DSC2: variants seen among roughly 807,000 people sequenced by gnomAD.
DSC2 encodes desmocollin-2.
In DSC2, 51 loss-of-function variants were observed where a neutral mutation model predicts 87.6. The ratio of observed to expected loss-of-function variants is 0.58; its 90% CI spans 0.46 to 0.74. The LOEUF is 0.74. Ranked by LOEUF, DSC2 falls within the 30% of genes least tolerant of loss-of-function variation. The pLI is 0.00. For synonymous variants in DSC2, 383 were observed against 393.2 expected, an observed-to-expected ratio of 0.97 and a Z score of 0.31; for missense variants, 1,066 against 1,089.5, an observed-to-expected ratio of 0.98 and a Z score of 0.30.
Position 31,102,100 on chromosome 18 carries a change from G to A in DSC2, c.-129C>T, listed in dbSNP as rs1346876717. 1.1e-5 allele frequency: 8 copies of A among 755,376 alleles called. No homozygotes were observed. In the East Asian group the frequency reaches 2.7e-4, roughly 25 times the overall value. The allele number at this position is 755,376 out of a possible 1,614,324, so 46.8% of individuals were successfully genotyped here. A position where few individuals can be genotyped will look rare whatever the true frequency, so the allele number is the denominator to read the frequency against. ...GAGGAGCGCGAGGCGGAGGAGGTGG[G>A]GCGCGCGGAGAGGTGCTTTTCTTAG... On this transcript the variant is annotated 5_prime_UTR_variant, in exon 1 of 16. Coordinates refer to ENST00000280904, the MANE Select transcript of DSC2 (RefSeq NM_024422.6).
rs1358980609 is a variant in DSC2, at chr18:31,082,686, T to C, written c.1077+240A>G. On this transcript the variant is annotated intron_variant, in intron 8 of 15. Transcript: ENST00000280904. ...GATTCTCCTGCCTCAGCTTCCCGAGTAGATGGGATTACAGGTGCCTGTCAC... is the reference window on the plus strand; with the variant it reads ...GATTCTCCTGCCTCAGCTTCCCGAGCAGATGGGATTACAGGTGCCTGTCAC... 2.0e-5 allele frequency among the ~76,000 whole-genome samples: 3 copies of C among 152,048 alleles called. No individual in the cohort carries two copies. In the East Asian group the frequency reaches 5.8e-4, roughly 29 times the overall value.
chr18:31,087,380 C>T (rs1987433774), intron 6 of DSC2, among the ~76,000 whole-genome samples: 1 of 152,164 alleles, frequency 6.6e-6, no homozygotes, highest in Admixed American at 6.5e-5. Flanking sequence ...CATTTATTAA[C>T]TCCTATTTGT....
chr18:31,088,987 A>G (rs1987495300), intron 5 of DSC2, among the ~76,000 whole-genome samples: 1 of 151,974 alleles, frequency 6.6e-6, no homozygotes, highest in Non-Finnish European at 1.5e-5. Flanking sequence ...AACATGGTGA[A>G]ACCCCATCTC....
intron 11 of DSC2, among the ~76,000 whole-genome samples, chr18:31,079,375 T>C (rs906414163): frequency 1.3e-5 from 2 of 152,114 alleles, no homozygotes; most frequent in African/African-American, 2.4e-5. Flanking sequence ...TGCCTCAGCC[T>C]CCCGAGTAGC....
intron 11 of DSC2, among the ~76,000 whole-genome samples, chr18:31,076,512 C>T (rs1007149236): frequency 1.3e-5 from 2 of 152,178 alleles, no homozygotes; most frequent in Non-Finnish European, 2.9e-5. Context: ...CTATCCAAGA[C>T]GTCTCTGAAA....
chr18:31,067,950 CT>C lies in DSC2; in HGVS notation c.*64del. ...ATAGCATCTTCTGCTTTAAAAAATT[CT>C]TGGTTTGTAATTTTTTTTAAAAGTC... On this transcript the variant is annotated 3_prime_UTR_variant, in exon 16 of 16. Coordinates refer to ENST00000280904, the MANE Select transcript of DSC2 (RefSeq NM_024422.6). The C allele has an allele frequency of 6.7e-7, 1 of 1,493,852 alleles. No homozygotes were observed. The highest frequency in any genetic ancestry group is 1.4e-5 in the African/African-American group (1 of 72,336). The allele number at this position is 1,493,852 out of a possible 1,614,324, so 92.5% of individuals were successfully genotyped here.
At chr18:31,075,563 A>T (rs998789964) in intron 11 of DSC2, among the ~76,000 whole-genome samples, 1 of 152,218 alleles carries the variant, frequency 6.6e-6, no homozygotes, top group African/African-American at 2.4e-5. Context: ...AGAAACTTAC[A>T]GGATAGACGG....
chr18:31,072,969 A>G lies in DSC2; in HGVS notation c.1889-1128T>C, dbSNP rs557651836. Among the ~76,000 whole-genome samples the G allele has an allele frequency of 5.3e-5, 8 of 152,314 alleles. No individual in the cohort carries two copies. In the South Asian group the frequency reaches 1.4e-3, roughly 28 times the overall value. ...ATGCATTATCTCATTTACTCCCCCA[A>G]AAATCCCATTTTAGTAAATTGATGC... On this transcript the variant is annotated intron_variant, in intron 12 of 15. Transcript: ENST00000280904.
At chr18:31,082,603 T>C (rs1027904770) in intron 8 of DSC2, among the ~76,000 whole-genome samples, 180 bp from the exon 9 acceptor site, 1 of 152,128 alleles carries the variant, frequency 6.6e-6, no homozygotes, top group Non-Finnish European at 1.5e-5. Context: ...GAGGGGTGGA[T>C]GGGGATGTGC....
intron 14 of DSC2, among the ~76,000 whole-genome samples, chr18:31,069,532 T>C (rs1326247100): frequency 1.3e-5 from 2 of 152,006 alleles, no homozygotes; most frequent in Non-Finnish European, 2.9e-5. Context: ...CTCGCCAACA[T>C]GGTGGAACTC....
chr18:31,075,514 G>A (rs1195430828), intron 11 of DSC2, among the ~76,000 whole-genome samples: 2 of 152,192 alleles, frequency 1.3e-5, no homozygotes, highest in African/African-American at 2.4e-5. Context: ...AATCACTGTG[G>A]GTTGTAGCCT....
chr18:31,079,645 T>C (rs886474095), intron 11 of DSC2, among the ~76,000 whole-genome samples: 2 of 152,072 alleles, frequency 1.3e-5, no homozygotes, highest in African/African-American at 4.8e-5. Flanking sequence ...AGTAAATTAT[T>C]TTATAATTAC....
In DSC2 at chr18:31,080,221, C is replaced by T. The variant is rs751245161; in HGVS notation, c.1395G>A (p.Gln465=). Residue 465 remains glutamine (Q), a synonymous_variant, in exon 10 of 16, where the codon CAG becomes CAA. Transcript: ENST00000280904. ...TATVTVNVED[Q]DEGPECNPPI... ...GAGGGTTACACTCAGGGCCCTCATC[C>T]TGATCTTCTACATTAACAGTAACTG... 6.2e-7 allele frequency: 1 copy of T among 1,614,078 alleles called. No homozygotes were observed. The highest frequency in any genetic ancestry group is 1.7e-5 in the Admixed American group (1 of 60,002).
chr18:31,097,939 TAA>T (rs1449432298), intron 1 of DSC2, among the ~76,000 whole-genome samples: 8 of 148,958 alleles, frequency 5.4e-5, no homozygotes, highest in African/African-American at 2.1e-4. Context: ...TTTTATAACT[TAA>T]GAGCCATTTT....
chr18:31,093,855 T>G (rs1409393528), intron 1 of DSC2, among the ~76,000 whole-genome samples: 1 of 149,964 alleles, frequency 6.7e-6, no homozygotes, highest in South Asian at 2.1e-4. Context: ...ATATTTATAA[T>G]TATATGTGAT....
Position 31,092,234 on chromosome 18 carries a change from A to G in DSC2, c.221T>C (p.Leu74Ser), listed in dbSNP as rs1987626757. The G allele has an allele frequency of 6.2e-7, 1 of 1,613,712 alleles. No individual in the cohort carries two copies. The highest frequency in any genetic ancestry group is 1.7e-5 in the Admixed American group (1 of 60,002). Residue 74 changes from leucine (L) to serine (S), a missense_variant, in exon 3 of 16, where the codon TTG becomes TCG. Coordinates refer to ENST00000280904, the MANE Select transcript of DSC2 (RefSeq NM_024422.6). ...IHSSDPDFQI[L>S]EDGSVYTTNT... The stretch of plus-strand genomic sequence containing the variant: ...TGTTGTATAGACTGAACCATCCTCC[A>G]AAATTTGGAAGTCAGGATCACTTGA...
At chr18:31,098,520 T>C (rs562392432) in intron 1 of DSC2, among the ~76,000 whole-genome samples, 1 of 152,216 alleles carries the variant, frequency 6.6e-6, no homozygotes, top group Non-Finnish European at 1.5e-5. Flanking sequence ...AGTGGTGCGA[T>C]CTCGGTTCAC....
At position 31,087,800 on chromosome 18, in the gene DSC2, G is replaced by A; in HGVS notation, c.644C>T (p.Ala215Val). The part of the protein sequence containing the change: ...QYESFEIIAF[A>V]TTPDGYTPEL... ...TGGAGTATACCCATCTGGAGTTGTT[G>A]CAAAGGCAATTATCTGTGAAGAGAG... The change falls in exon 6 of 16, where the codon GCA becomes GTA. Residue 215 changes from alanine to valine, a missense_variant. Physicochemically the swap from Ala to Val is moderately conservative, Grantham distance 64 (BLOSUM62 0). Coordinates refer to ENST00000280904, the MANE Select transcript of DSC2 (RefSeq NM_024422.6). 1 of 1,613,706 alleles carries A rather than the reference G, an allele frequency of 6.2e-7. No homozygotes were observed.
rs1352184513 is a variant in DSC2 at position 31,059,460 on chromosome 18, AT to A, written c.*8554del. 6.6e-6 allele frequency: 1 copy of A among 152,174 alleles called. No homozygotes were observed. Among genetic ancestry groups the A allele is most frequent in the Non-Finnish European group, 1.5e-5 (1 of 68,022 alleles). The allele number at this position is 152,174 out of a possible 1,614,324, so 9.4% of individuals were successfully genotyped here. On this transcript the variant is annotated 3_prime_UTR_variant, in exon 16 of 16. Transcript: ENST00000280904. ...TTTTCTTTTTGCTTTCAATTTAATC[AT>A]TTACTGTAAATATAATATGTTCAGT...
Sources: gnomAD v4.1 joint callset for allele counts (sites outside exome capture counted in the v4.1 genomes callset) on GRCh38, gnomAD v4.1.1 for gene constraint, MANE v1.5 for transcripts, NCBI Gene and HGNC (gene_info 2026-07-23, HGNC 2026-07-21) for gene names.